The following PDHA1 variants were observed in gnomAD, a reference collection of about 807,000 sequenced individuals.
The protein encoded by PDHA1 is pyruvate dehydrogenase E1 subunit alpha 1, also known as pyruvate dehydrogenase E1 component subunit alpha, somatic form, mitochondrial.
Under a neutral mutation model 33.0 loss-of-function variants are expected in PDHA1, and 1 was observed. The ratio of observed to expected loss-of-function variants is 0.03; its 90% CI spans 0.01 to 0.14. The LOEUF (loss-of-function observed/expected upper bound fraction) is 0.14, where lower values mean the gene tolerates loss of function less well. PDHA1 is among the 10% of genes least tolerant of loss of function. PDHA1 has a pLI of 1.00. For missense variants in PDHA1, 168 were observed against 325.1 expected (o/e 0.52, Z 3.72); for synonymous variants, 123 against 119.2 (o/e 1.03, Z -0.21).
At chrX:19,349,771 T>G (rs996479077) in intron 2 of PDHA1, among the ~76,000 whole-genome samples, 166 bp from the exon 3 acceptor site, 7 of 111,660 alleles carry the variant, frequency 6.3e-5, no homozygotes, top group African/African-American at 2.0e-4. Context: ...CATTGCACAG[T>G]GAGGTTTATG....
chrX:19,349,381 GT>G lies in PDHA1; in HGVS notation c.117+14del. 12 of 1,061,682 alleles carry G rather than the reference GT, an allele frequency of 1.1e-5. No individual in the cohort carries two copies. Among genetic ancestry groups the G allele is most frequent in the Non-Finnish European group, 1.6e-5 (12 of 759,384 alleles). 87.5% of individuals were successfully genotyped at this position (1,061,682 alleles called of 1,213,427 possible). A position where few individuals can be genotyped will look rare whatever the true frequency, so the allele number is the denominator to read the frequency against. ...TACATTTGAAATTAAGGTAAGAGGT[GT>G]TTTACTTTGTTAATAATTTTTTCAC... On this transcript the variant is annotated intron_variant, in intron 2 of 10. Coordinates refer to ENST00000422285, the MANE Select transcript of PDHA1 (RefSeq NM_000284.4).
Position 19,359,982 on chromosome X carries a change from C to CTCACAGCATTCTACCAACCATA in PDHA1, c.*330_*351dup. 3 of 297,448 alleles carry CTCACAGCATTCTACCAACCATA rather than the reference C, an allele frequency of 1.0e-5. No individual in the cohort carries two copies. The highest frequency in any genetic ancestry group is 1.8e-5 in the Non-Finnish European group (3 of 163,846). 24.5% of individuals were successfully genotyped at this position (297,448 alleles called of 1,213,427 possible). Reference sequence around the variant, plus strand: ...GGAGGAGACCATTATGGCGGGGCCCCTCACAGCATTCTACCAACCATAGCA... The same window carrying CTCACAGCATTCTACCAACCATA: ...GGAGGAGACCATTATGGCGGGGCCCCTCACAGCATTCTACCAACCATATCACAGCATTCTACCAACCATAGCA... On this transcript the variant is annotated 3_prime_UTR_variant, in exon 11 of 11. Coordinates refer to ENST00000422285, the MANE Select transcript of PDHA1 (RefSeq NM_000284.4).
At chrX:19,356,396 A>T (rs2063200259) in intron 8 of PDHA1, among the ~76,000 whole-genome samples, 1 of 112,026 alleles carries the variant, frequency 8.9e-6, no homozygotes, top group African/African-American at 3.2e-5. Context: ...ATGTACGTTT[A>T]GGCAGTGATG....
rs2063154978 is a variant in PDHA1 at position 19,349,982 on chromosome X, G to A, written c.163G>A (p.Val55Met). Residue 55 changes from valine (V) to methionine (M), a missense_variant, in exon 3 of 11, where the codon GTG (valine) becomes ATG (methionine). Around this residue, in one of 5 missense-constraint regions of PDHA1, gnomAD observed 46 missense variants for 47.4 expected, o/e 0.97. Transcript: ENST00000422285. Reference sequence around the variant, plus strand: ...GGAAGAAGGCCCTCCTGTCACAACAGTGCTCACCAGGGAGGATGGGCTCAA... The same window carrying A: ...GGAAGAAGGCCCTCCTGTCACAACAATGCTCACCAGGGAGGATGGGCTCAA... ...RLEEGPPVTTVLTREDGLKYY... is the reference protein window; with the variant it reads ...RLEEGPPVTTMLTREDGLKYY... The A allele has an allele frequency of 8.3e-7, 1 of 1,204,718 alleles. No homozygotes were observed. The highest frequency in any genetic ancestry group is 1.7e-5 in the African/African-American group (1 of 57,177).
Position 19,360,681 on chromosome X carries a change from C to G in PDHA1, c.*1028C>G. 3 of 840,112 alleles carry G rather than the reference C, an allele frequency of 3.6e-6. No individual in the cohort carries two copies. Among genetic ancestry groups the G allele is most frequent in the Non-Finnish European group, 5.3e-6 (3 of 565,948 alleles). The allele number at this position is 840,112 out of a possible 1,213,427, so 69.2% of individuals were successfully genotyped here. ...GTAAACACAGCGGAATTCGTGTATA[C>G]ACTAACAGAAGCTTTAACAAAACAT... On this transcript the variant is annotated 3_prime_UTR_variant, in exon 11 of 11. Transcript: ENST00000422285.
At chrX:19,353,307 C>T in intron 5 of PDHA1, 134 bp downstream of exon 5, 1 of 549,673 alleles carries the variant, frequency 1.8e-6, no homozygotes, top group Non-Finnish European at 3.2e-6. Flanking sequence ...TGGTCAATGT[C>T]GCATATATGA....
At chrX:19,357,814 G>A in intron 9 of PDHA1, 95 bp downstream of exon 9, 1 of 677,258 alleles carries the variant, frequency 1.5e-6, no homozygotes, top group Non-Finnish European at 2.4e-6. Flanking sequence ...TTTGGAGCTA[G>A]ATACCAGTTC....
intron 5 of PDHA1, among the ~76,000 whole-genome samples, chrX:19,354,244 T>TA (rs2063181244): frequency 8.8e-6 from 1 of 113,049 alleles, no homozygotes; most frequent in Non-Finnish European, 1.9e-5. Flanking sequence ...TTTTATTTTT[T>TA]AACTCTTGAA....
chrX:19,359,360 TTCTGAATTA>T, intron 10 of PDHA1, 120 bp from the exon 11 acceptor site: 1 of 565,860 alleles, frequency 1.8e-6, no homozygotes, highest in Non-Finnish European at 3.1e-6. Context: ...TTCCAAAATC[TTCTGAATTA>T]GCAACTGTTC....
chrX:19,357,866 AG>A (rs1313330293), intron 9 of PDHA1, 147 bp downstream of exon 9: 1 of 514,097 alleles, frequency 1.9e-6, no homozygotes, highest in Non-Finnish European at 3.5e-6. Flanking sequence ...GTTATCTGAA[AG>A]CAGTGCCTCC....
intron 9 of PDHA1, 111 bp downstream of exon 9, chrX:19,357,830 A>C (rs994182502): frequency 1.7e-6 from 1 of 603,687 alleles, no homozygotes; most frequent in African/African-American, 2.2e-5. Context: ...AGTTCACTTC[A>C]TGTACGCAGT....
chrX:19,358,842 C>CATGTTTCCAACCCCATATT (rs1463287330), intron 9 of PDHA1, 74 bp from the exon 10 acceptor site: 2 of 601,136 alleles, frequency 3.3e-6, no homozygotes, highest in African/African-American at 4.4e-5. Context: ...AACCCCATAT[C>CATGTTTCCAACCCCATATT]ATGTTTCATC....
chrX:19,350,217 A>G, intron 3 of PDHA1, 107 bp downstream of exon 3: 2 of 607,477 alleles, frequency 3.3e-6, no homozygotes, highest in South Asian at 4.6e-5. Flanking sequence ...TGAGGCTGGT[A>G]ATGTAATTTT....
intron 8 of PDHA1, among the ~76,000 whole-genome samples, chrX:19,356,436 A>ATGTC (rs1247907412): frequency 3.6e-5 from 4 of 112,022 alleles, no homozygotes; most frequent in Admixed American, 9.5e-5. Context: ...AATGATGGAA[A>ATGTC]TGTCACAAAG....
rs745880160 is a variant in PDHA1 at position 19,345,745 on chromosome X, T to TCC, written c.57+1662_57+1663dup. The TCC allele has an allele frequency of 3.3e-3, 673 of 204,809 alleles. 57 individuals are homozygous for TCC. The highest frequency in any genetic ancestry group is 0.028 in the African/African-American group (575 of 20,415). 16.9% of individuals were successfully genotyped at this position (204,809 alleles called of 1,213,427 possible). A position where few individuals can be genotyped will look rare whatever the true frequency, so the allele number is the denominator to read the frequency against. ...TTGTTTCCTGTATCAGTTTGCAGGG[T>TCC]CCCCCCCCCCCCGCCACCTTACAGT... On this transcript the variant is annotated intron_variant, in intron 1 of 10. Coordinates refer to ENST00000422285, the MANE Select transcript of PDHA1 (RefSeq NM_000284.4).
In PDHA1 at chrX:19,360,536, T is replaced by C. The variant is rs2063270210; in HGVS notation, c.*883T>C. 1 of 339,092 alleles carries C rather than the reference T, an allele frequency of 2.9e-6. No homozygotes were observed. Among genetic ancestry groups the C allele is most frequent in the Non-Finnish European group, 5.1e-6 (1 of 195,631 alleles). 27.9% of individuals were successfully genotyped at this position (339,092 alleles called of 1,213,427 possible). A position where few individuals can be genotyped will look rare whatever the true frequency, so the allele number is the denominator to read the frequency against. On this transcript the variant is annotated 3_prime_UTR_variant, in exon 11 of 11. Coordinates refer to ENST00000422285, the MANE Select transcript of PDHA1 (RefSeq NM_000284.4). ...TATTCCGGGAGGTCAAAACCAAGGC[T>C]CACTGTTTTCACAATACACACAGTT...
chrX:19,352,816 C>G, intron 4 of PDHA1: 2 of 402,300 alleles, frequency 5.0e-6, no homozygotes, highest in Non-Finnish European at 8.7e-6. Flanking sequence ...CCAGAAAACC[C>G]AGAAAAGTCC....
rs2063256861 is a variant in PDHA1 at position 19,359,884 on chromosome X, C to CAAAT, written c.*233_*236dup. 4.7e-6 allele frequency: 2 copies of CAAAT among 421,746 alleles called. No individual in the cohort carries two copies. Among genetic ancestry groups the CAAAT allele is most frequent in the Non-Finnish European group, 8.4e-6 (2 of 238,662 alleles). 34.8% of individuals were successfully genotyped at this position (421,746 alleles called of 1,213,427 possible). On this transcript the variant is annotated 3_prime_UTR_variant, in exon 11 of 11. Coordinates refer to ENST00000422285, the MANE Select transcript of PDHA1 (RefSeq NM_000284.4). ...TTGACTTAAAATAGTATACTTTGAA[C>CAAAT]AAATACTCTAATTATGAAAAGGAAG...
intron 3 of PDHA1, 147 bp from the exon 4 acceptor site, chrX:19,351,134 A>G (rs1002356738): frequency 3.6e-6 from 2 of 560,336 alleles, no homozygotes; most frequent in South Asian, 3.0e-5. Context: ...TGGGCCTTCC[A>G]CTCTGTATTT....
Sources: gnomAD v4.1 joint callset for allele counts (sites outside exome capture counted in the v4.1 genomes callset) on GRCh38, gnomAD v4.1.1 for gene constraint, gnomAD v4.1.1 regional missense constraint, MANE v1.5 for transcripts, NCBI Gene and HGNC (gene_info 2026-07-23, HGNC 2026-07-21) for gene names.